TXNDC8: variants seen among roughly 807,000 people sequenced by gnomAD.
TXNDC8 encodes thioredoxin domain-containing protein 8.
TXNDC8 carries 15 observed loss-of-function variants against 12.9 expected under a neutral mutation model. The ratio of observed to expected loss-of-function variants is 1.16; its 90% confidence interval spans 0.78 to 1.79. The LOEUF (loss-of-function observed/expected upper bound fraction) is 1.79. Ranked by LOEUF, TXNDC8 falls within the 40% of genes most tolerant of loss-of-function variation. The pLI is 0.00. For synonymous variants in TXNDC8, 40 were observed against 35.4 expected, an observed-to-expected ratio of 1.13 and a Z score of -0.46; for missense variants, 128 against 113.2, an observed-to-expected ratio of 1.13 and a Z score of -0.59.
intron 3 of TXNDC8, among the ~76,000 whole-genome samples, chr9:110,315,444 A>G (rs1355993576): frequency 6.6e-6 from 1 of 151,998 alleles, no homozygotes. Context: ...ACCTGCAAAA[A>G]TTCTAGTACT....
intron 3 of TXNDC8, among the ~76,000 whole-genome samples, chr9:110,315,890 A>G (rs1281373806): frequency 1.3e-5 from 2 of 151,494 alleles, no homozygotes; most frequent in Non-Finnish European, 2.9e-5. Flanking sequence ...TGTATGTACA[A>G]TATAATTTCT....
At chr9:110,326,672 C>G (rs369707079) in intron 2 of TXNDC8, among the ~76,000 whole-genome samples, 1 of 152,114 alleles carries the variant, frequency 6.6e-6, no homozygotes. Context: ...GCATCCTGAT[C>G]TAGCATTTTA....
chr9:110,317,264 C>A (rs1458370045), intron 3 of TXNDC8, among the ~76,000 whole-genome samples: 1 of 152,158 alleles, frequency 6.6e-6, no homozygotes, highest in Non-Finnish European at 1.5e-5. Context: ...GGGCCATTCC[C>A]TTCAATGGCT....
intron 3 of TXNDC8, among the ~76,000 whole-genome samples, chr9:110,311,619 AATAG>A (rs200703331): frequency 0.16 from 18,777 of 120,916 alleles, 1,906 homozygotes; most frequent in Non-Finnish European, 0.19. Flanking sequence ...TGGATATAGT[AATAG>A]ATATATATAT....
intron 3 of TXNDC8, 95 bp from the exon 5 acceptor site, chr9:110,304,627 G>A (rs1459753778): frequency 8.6e-7 from 1 of 1,157,294 alleles, no homozygotes; most frequent in African/African-American, 1.6e-5. Flanking sequence ...GCCAGGGAAG[G>A]AAGGTGTCAG....
intron 3 of TXNDC8, chr9:110,323,420 A>G (rs1215295545): frequency 2.4e-6 from 2 of 843,308 alleles, no homozygotes; most frequent in Non-Finnish European, 2.9e-6. Flanking sequence ...TAGCTAAGGA[A>G]TCAAGAATTG....
chr9:110,331,818 G>C (rs1444128723), intron 2 of TXNDC8, among the ~76,000 whole-genome samples: 1 of 152,170 alleles, frequency 6.6e-6, no homozygotes, highest in Non-Finnish European at 1.5e-5. Context: ...GCAGAGCTCA[G>C]GAGGTAATGC....
At chr9:110,305,846 C>A (rs1838449460) in intron 3 of TXNDC8, among the ~76,000 whole-genome samples, 1 of 108,164 alleles carries the variant, frequency 9.2e-6, no homozygotes, top group African/African-American at 3.5e-5. Context: ...CCTTTCTTTT[C>A]TTTTCTTTCT....
At chr9:110,324,966 G>T (rs1322206526) in intron 3 of TXNDC8, among the ~76,000 whole-genome samples, 2 of 152,120 alleles carry the variant, frequency 1.3e-5, no homozygotes, top group African/African-American at 4.8e-5. Flanking sequence ...ACAAAAATTA[G>T]CTGGGCATGT....
At chr9:110,314,813 C>T (rs1440447180) in intron 3 of TXNDC8, among the ~76,000 whole-genome samples, 1 of 152,160 alleles carries the variant, frequency 6.6e-6, no homozygotes, top group Non-Finnish European at 1.5e-5. Context: ...ATTCCGATGT[C>T]GGGTTATGCC....
At chr9:110,302,060 G>C (rs1187030618), downstream of TXNDC8, among the ~76,000 whole-genome samples, 1 of 152,020 alleles carries the variant, frequency 6.6e-6, no homozygotes, top group African/African-American at 2.4e-5. Flanking sequence ...CATGATCTCA[G>C]CTCACTGCAA....
At chr9:110,318,466 G>A (rs1284954499) in intron 3 of TXNDC8, among the ~76,000 whole-genome samples, 1 of 152,148 alleles carries the variant, frequency 6.6e-6, no homozygotes, top group Non-Finnish European at 1.5e-5. Context: ...GCCAGGCGCG[G>A]TTGCTCACGC....
In TXNDC8 at chr9:110,328,339, G is replaced by T. The variant is rs932850371; in HGVS notation, c.130-2099C>A. ...GACACACTTTGTTTGAGGTTATGGG[G>T]TTGATTATTTTTTGGGGGGATGGGA... is the stretch of plus-strand genomic sequence containing the variant. On this transcript the variant is annotated intron_variant, in intron 2 of 4. Transcript: ENST00000423740. 1.3e-5 allele frequency among the ~76,000 whole-genome samples: 2 copies of T among 152,252 alleles called. 1 individual carries two copies. The highest frequency in any genetic ancestry group is 4.1e-4 in the South Asian group (2 of 4,824).
At chr9:110,328,354 G>T (rs905569287) in intron 2 of TXNDC8, among the ~76,000 whole-genome samples, 30 of 152,194 alleles carry the variant, frequency 2.0e-4, no homozygotes, top group African/African-American at 6.5e-4. Context: ...TTATTTTTTG[G>T]GGGGATGGGA....
downstream of TXNDC8, among the ~76,000 whole-genome samples, chr9:110,303,313 C>A (rs1197624486): frequency 6.6e-6 from 1 of 152,120 alleles, no homozygotes; most frequent in Non-Finnish European, 1.5e-5. Context: ...AAGTGGGAAG[C>A]CCAAGTTGGA....
chr9:110,322,443 A>C (rs1227516741), intron 3 of TXNDC8: 2 of 985,322 alleles, frequency 2.0e-6, no homozygotes, highest in African/African-American at 3.5e-5. Flanking sequence ...AAAGAGATAC[A>C]TATCCATTAG....
chr9:110,306,829 T>C (rs935159925), intron 3 of TXNDC8, among the ~76,000 whole-genome samples: 2 of 152,224 alleles, frequency 1.3e-5, no homozygotes, highest in Non-Finnish European at 2.9e-5. Context: ...CTTGAACCTT[T>C]TCTCTGTGAT....
At chr9:110,321,777 C>G (rs1445400811) in intron 3 of TXNDC8, among the ~76,000 whole-genome samples, 1 of 151,748 alleles carries the variant, frequency 6.6e-6, no homozygotes, top group African/African-American at 2.4e-5. Context: ...GCTGGCCATC[C>G]AAACCTGCCT....
chr9:110,320,696 T>A (rs1370100158), intron 3 of TXNDC8, among the ~76,000 whole-genome samples: 2 of 152,210 alleles, frequency 1.3e-5, no homozygotes, highest in African/African-American at 4.8e-5. Flanking sequence ...TTATTAGATT[T>A]TAAGAGGGTC....
Sources: allele counts gnomAD v4.1 joint callset (sites outside exome capture counted in the v4.1 genomes callset), GRCh38; gene constraint gnomAD v4.1.1; transcripts MANE v1.5; gene names NCBI Gene and HGNC (gene_info 2026-07-23, HGNC 2026-07-21).